The following CHSY3 variants were observed in gnomAD, a reference collection of about 807,000 sequenced individuals.
The protein encoded by CHSY3 is chondroitin sulfate synthase 3, also known as N-acetylgalactosaminyl-proteoglycan 3-beta-glucuronosyltransferase 3.
CHSY3 carries 35 observed loss-of-function variants against 67.2 expected under a neutral mutation model. That is an observed-to-expected ratio of 0.52 (90% confidence interval 0.40 to 0.69). The LOEUF is 0.69. Among genes scored for constraint, CHSY3 ranks in the 30% least tolerant of loss-of-function variants. The pLI is 0.00. For synonymous variants in CHSY3, 474 were observed against 434.7 expected (o/e 1.09, Z -1.12); for missense variants, 1,069 against 1,138.5 (o/e 0.94, Z 0.88).
At chr5:130,002,194 A>C (rs1478766322) in intron 2 of CHSY3, 4 of 267,508 alleles carry the variant, frequency 1.5e-5, no homozygotes, top group African/African-American at 6.9e-5. Context: ...AGTTCTATGA[A>C]GCCTATATAG....
chr5:129,992,250 A>G (rs1763390975), intron 2 of CHSY3, among the ~76,000 whole-genome samples: 1 of 152,202 alleles, frequency 6.6e-6, no homozygotes, highest in Non-Finnish European at 1.5e-5. Context: ...CAATAAAAGT[A>G]AGTTAAAATC....
At chr5:129,913,395 G>A (rs2149577857) in intron 2 of CHSY3, among the ~76,000 whole-genome samples, 1 of 152,238 alleles carries the variant, frequency 6.6e-6, no homozygotes, top group South Asian at 2.1e-4. Flanking sequence ...TTAATTTATG[G>A]AAGAGTTAAT....
chr5:130,021,575 C>T lies in CHSY3; in HGVS notation c.1086+113215C>T, dbSNP rs1295309737. On this transcript the variant is annotated intron_variant, in intron 2 of 2. Coordinates refer to ENST00000305031, the MANE Select transcript of CHSY3 (RefSeq NM_175856.5). The stretch of plus-strand genomic sequence containing the variant: ...CAACCTGTTTTTCTTTTTTTTCCCC[C>T]GTCTCACACTCTCTCACACACACAT... Among the ~76,000 whole-genome samples, 3 of 152,004 alleles carry T rather than the reference C, an allele frequency of 2.0e-5. No individual in the cohort carries two copies. The South Asian group carries it at 6.2e-4, about 32-fold the overall frequency.
chr5:129,948,325 C>A (rs1353574768), intron 2 of CHSY3, among the ~76,000 whole-genome samples: 2 of 152,124 alleles, frequency 1.3e-5, no homozygotes, highest in African/African-American at 4.8e-5. Flanking sequence ...GTCTTTATCC[C>A]TCACCCCTCC....
intron 2 of CHSY3, among the ~76,000 whole-genome samples, chr5:130,181,831 T>A (rs921578486): frequency 2.6e-5 from 4 of 152,172 alleles, no homozygotes; most frequent in Admixed American, 6.5e-5. Context: ...GATTCATCCA[T>A]GTTGTTGCAA....
chr5:130,098,503 T>G (rs181936491), intron 2 of CHSY3, among the ~76,000 whole-genome samples: 19 of 152,276 alleles, frequency 1.2e-4, no homozygotes, highest in Admixed American at 1.2e-3. Flanking sequence ...TGTGTGACCT[T>G]GCACAAATAA....
At chr5:130,139,325 G>A (rs1002495107) in intron 2 of CHSY3, among the ~76,000 whole-genome samples, 6 of 152,162 alleles carry the variant, frequency 3.9e-5, no homozygotes, top group Non-Finnish European at 7.4e-5. Context: ...GAAGAGAGAA[G>A]TAGAAATTAC....
At chr5:130,175,427 C>T (rs961030681) in intron 2 of CHSY3, among the ~76,000 whole-genome samples, 5 of 152,182 alleles carry the variant, frequency 3.3e-5, no homozygotes, top group Non-Finnish European at 7.3e-5. Context: ...AATGGTCATA[C>T]TGCCCAAAGT....
At chr5:130,120,560 C>T (rs1451236057) in intron 2 of CHSY3, among the ~76,000 whole-genome samples, 2 of 151,554 alleles carry the variant, frequency 1.3e-5, no homozygotes, top group Non-Finnish European at 2.9e-5. Context: ...ACAGAGCTGA[C>T]CCTGACCCAA....
At chr5:129,958,731 T>G (rs1198057115) in intron 2 of CHSY3, among the ~76,000 whole-genome samples, 1 of 152,078 alleles carries the variant, frequency 6.6e-6, no homozygotes, top group Non-Finnish European at 1.5e-5. Context: ...AGGTGGGGTC[T>G]CACTTGCCCA....
chr5:130,091,526 T>G (rs1317831331), intron 2 of CHSY3, among the ~76,000 whole-genome samples: 1 of 152,170 alleles, frequency 6.6e-6, no homozygotes, highest in Non-Finnish European at 1.5e-5. Context: ...TAATGATCTT[T>G]TCAAGATCCC....
At chr5:129,969,184 A>T (rs1762561698) in intron 2 of CHSY3, among the ~76,000 whole-genome samples, 1 of 151,836 alleles carries the variant, frequency 6.6e-6, no homozygotes, top group Non-Finnish European at 1.5e-5. Flanking sequence ...ATAAAATGAT[A>T]CTTCAAAAAA....
At chr5:129,988,471 A>C (rs1427038161) in intron 2 of CHSY3, among the ~76,000 whole-genome samples, 1 of 152,212 alleles carries the variant, frequency 6.6e-6, no homozygotes, top group Non-Finnish European at 1.5e-5. Flanking sequence ...TCTTCTAGAC[A>C]TATATTTTTC....
At chr5:130,151,732 AACTC>A (rs569458300) in intron 2 of CHSY3, among the ~76,000 whole-genome samples, 476 of 152,252 alleles carry the variant, frequency 3.1e-3, no homozygotes, top group Middle Eastern at 6.8e-3. Context: ...ATCTTATGAG[AACTC>A]ACTCAGTATC....
Position 129,962,903 on chromosome 5 carries a change from A to G in CHSY3, c.1086+54543A>G, listed in dbSNP as rs147688224. Among the ~76,000 whole-genome samples, 438 of 152,074 alleles carry G rather than the reference A, an allele frequency of 2.9e-3. 3 individuals are homozygous for G. Among genetic ancestry groups the G allele is most frequent in the African/African-American group, 1.0e-2 (414 of 41,530 alleles). On this transcript the variant is annotated intron_variant, in intron 2 of 2. Coordinates refer to ENST00000305031, the MANE Select transcript of CHSY3 (RefSeq NM_175856.5). ...ATGGGTTGTGATGTAGGCTGCACCT[A>G]ACTTTGGTATTGATAGCCCATTCTG...
intron 2 of CHSY3, among the ~76,000 whole-genome samples, chr5:130,146,793 TG>T (rs1769088158): frequency 6.6e-6 from 1 of 151,934 alleles, no homozygotes; most frequent in Non-Finnish European, 1.5e-5. Context: ...TGTTTTGTTT[TG>T]TTTTGTTTTG....
At chr5:129,948,351 TG>T (rs1317049288) in intron 2 of CHSY3, among the ~76,000 whole-genome samples, 1 of 152,176 alleles carries the variant, frequency 6.6e-6, no homozygotes, top group Non-Finnish European at 1.5e-5. Flanking sequence ...CCTATTTTCC[TG>T]GGTCCCAAAA....
intron 2 of CHSY3, among the ~76,000 whole-genome samples, chr5:130,133,965 A>G (rs531311649): frequency 1.3e-5 from 2 of 152,124 alleles, no homozygotes; most frequent in Non-Finnish European, 2.9e-5. Flanking sequence ...AGATTATTCT[A>G]ACAACAGTTA....
At chr5:129,970,912 T>A (rs1408967361) in intron 2 of CHSY3, among the ~76,000 whole-genome samples, 1 of 151,900 alleles carries the variant, frequency 6.6e-6, no homozygotes, top group African/African-American at 2.4e-5. Flanking sequence ...TAGTTAAATA[T>A]CAATGTAAAT....
Sources: gnomAD v4.1 joint callset for allele counts (sites outside exome capture counted in the v4.1 genomes callset) on GRCh38, gnomAD v4.1.1 for gene constraint, MANE v1.5 for transcripts, NCBI Gene and HGNC (gene_info 2026-07-23, HGNC 2026-07-21) for gene names.